Variants in UPRT observed in about 807,000 individuals in gnomAD.
UPRT encodes the protein uracil phosphoribosyltransferase homolog.
UPRT carries 5 observed loss-of-function variants against 22.6 expected under a neutral mutation model. The ratio of observed to expected loss-of-function variants is 0.22; its 90% CI spans 0.12 to 0.47. The LOEUF (loss-of-function observed/expected upper bound fraction) is 0.47. Ranked by LOEUF, UPRT falls within the 20% of genes least tolerant of loss-of-function variation. The pLI, the probability that UPRT is intolerant of heterozygous loss-of-function variation, is 0.99. For synonymous variants in UPRT, 77 were observed against 87.7 expected (o/e 0.88, Z 0.68); for missense variants, 181 against 239.9 (o/e 0.75, Z 1.62).
At chrX:75,211,854 T>C (rs2082381063) in intron 4 of UPRT, among the ~76,000 whole-genome samples, 1 of 111,362 alleles carries the variant, frequency 9.0e-6, no homozygotes, top group South Asian at 3.8e-4. Context: ...GCAATACCAG[T>C]ATATCGCAAA....
In UPRT at chrX:75,235,613, T is replaced by C. The variant is rs1002599706; in HGVS notation, c.-446-55411T>C. ...GCTTATCCACCATGATCAAGTGGGC[T>C]TCATCTCTGGGATGCAAGGCTGGTT... On this transcript the variant is annotated intron_variant, in intron 4 of 13. Transcript: ENST00000652605. Among the ~76,000 whole-genome samples the C allele has an allele frequency of 1.2e-4, 13 of 111,849 alleles. No homozygotes were observed. In the Admixed American group the frequency reaches 1.2e-3, roughly 11 times the overall value.
chrX:75,246,388 AATG>A (rs1268493904), intron 4 of UPRT, among the ~76,000 whole-genome samples: 1 of 108,405 alleles, frequency 9.2e-6, no homozygotes, highest in Non-Finnish European at 1.9e-5. Flanking sequence ...GTTTGCTGAG[AATG>A]ATGATTTCCA....
At chrX:75,203,150 G>A (rs776768182) in intron 4 of UPRT, among the ~76,000 whole-genome samples, 2 of 111,490 alleles carry the variant, frequency 1.8e-5, no homozygotes, top group Non-Finnish European at 3.8e-5. Context: ...TGCAATCCTA[G>A]TTTCTGACAA....
chrX:75,300,606 T>C (rs750353213), intron 5 of UPRT, among the ~76,000 whole-genome samples: 1 of 110,635 alleles, frequency 9.0e-6, no homozygotes, highest in South Asian at 3.9e-4. Flanking sequence ...GGGCAACATA[T>C]GGAGAACCCA....
chrX:75,201,471 G>C (rs1219535719), intron 4 of UPRT: 1 of 131,370 alleles, frequency 7.6e-6, no homozygotes, highest in East Asian at 2.4e-4. Context: ...GATGCTCAAG[G>C]AAAGTGGAAA....
At chrX:75,190,511 T>G (rs1022626115) in intron 4 of UPRT, among the ~76,000 whole-genome samples, 4 of 111,672 alleles carry the variant, frequency 3.6e-5, no homozygotes, top group African/African-American at 1.3e-4. Flanking sequence ...TTTCCTGAAT[T>G]TGAATATTGG....
At chrX:75,175,069 A>T (rs1458091194) in intron 4 of UPRT, among the ~76,000 whole-genome samples, 1 of 109,475 alleles carries the variant, frequency 9.1e-6, no homozygotes, top group African/African-American at 3.3e-5. Flanking sequence ...TCTGCCAGCC[A>T]CTTATGCTGC....
chrX:75,290,870 G>T (rs2147698679), intron 1 of UPRT, among the ~76,000 whole-genome samples: 1 of 110,600 alleles, frequency 9.0e-6, no homozygotes, highest in African/African-American at 3.3e-5. Flanking sequence ...TGGGTGATAG[G>T]ATCATTTGTA....
Position 75,293,511 on chromosome X carries a change from T to C in UPRT, c.426T>C (p.Arg142=). The C allele has an allele frequency of 8.3e-7, 1 of 1,199,977 alleles. No homozygotes were observed. The highest frequency in any genetic ancestry group is 2.3e-4 in the Middle Eastern group (1 of 4,307). Reference sequence around the variant, plus strand: ...GTGACTTCATGTTTTCTGCGGATCGTTTGGTAGGTGGGGGCTTTTCATTTT... The same window carrying C: ...GTGACTTCATGTTTTCTGCGGATCGCTTGGTAGGTGGGGGCTTTTCATTTT... ...SRGDFMFSAD[R]LIRLVVEEGL... is the part of the protein sequence containing the mutation. The change falls in exon 2 of 7, where the codon CGT becomes CGC. Residue 142 remains arginine (R), a synonymous_variant. Transcript: ENST00000373383.
Position 75,217,236 on chromosome X carries a change from C to G in UPRT, c.-447+49357C>G, listed in dbSNP as rs938056895. Among the ~76,000 whole-genome samples, 3 of 110,590 alleles carry G rather than the reference C, an allele frequency of 2.7e-5. No homozygotes were observed. In the Admixed American group the frequency reaches 2.9e-4, roughly 11 times the overall value. On this transcript the variant is annotated intron_variant, in intron 4 of 13. Transcript: ENST00000652605. ...GCATAAAAAGAGTGTTGTTACGTAG[C>G]GTGATGCCTCCAGTTTTGTTCTTTT...
At chrX:75,254,045 C>T (rs960701546) in intron 4 of UPRT, among the ~76,000 whole-genome samples, 1 of 111,454 alleles carries the variant, frequency 9.0e-6, no homozygotes, top group African/African-American at 3.3e-5. Flanking sequence ...ACAACTTGAA[C>T]TCATTGAGAA....
At chrX:75,240,496 C>T (rs1284705262) in intron 4 of UPRT, among the ~76,000 whole-genome samples, 1 of 111,463 alleles carries the variant, frequency 9.0e-6, no homozygotes. Flanking sequence ...GGATGGGGAG[C>T]ACACTGCTGA....
At chrX:75,172,427 C>T (rs1360586332) in intron 4 of UPRT, among the ~76,000 whole-genome samples, 1 of 111,632 alleles carries the variant, frequency 9.0e-6, no homozygotes, top group Non-Finnish European at 1.9e-5. Context: ...GGTCTGACTC[C>T]CATCATGCTC....
intron 3 of UPRT, among the ~76,000 whole-genome samples, chrX:75,163,576 C>T (rs1455605491): frequency 2.7e-5 from 3 of 111,699 alleles, no homozygotes; most frequent in African/African-American, 9.8e-5. Flanking sequence ...TGACAAAAAA[C>T]TGGGGTTGCA....
intron 4 of UPRT, among the ~76,000 whole-genome samples, chrX:75,224,412 CT>C (rs535228808): frequency 6.8e-4 from 71 of 104,306 alleles, no homozygotes; most frequent in Admixed American, 8.2e-4. Context: ...TTATTTCCTT[CT>C]TTTTTTTTTT....
intron 4 of UPRT, among the ~76,000 whole-genome samples, chrX:75,241,508 A>G (rs2082488451): frequency 8.9e-6 from 1 of 111,827 alleles, no homozygotes; most frequent in African/African-American, 3.2e-5. Context: ...TATGGAAAAC[A>G]GTATGGAGAT....
At chrX:75,232,626 C>A (rs183828561) in intron 4 of UPRT, among the ~76,000 whole-genome samples, 1 of 112,269 alleles carries the variant, frequency 8.9e-6, no homozygotes, top group Admixed American at 9.4e-5. Context: ...GGGTCCCTGA[C>A]CCCTGATCCC....
chrX:75,248,779 G>T (rs1427506947), intron 4 of UPRT, among the ~76,000 whole-genome samples: 1 of 111,693 alleles, frequency 9.0e-6, no homozygotes, highest in Non-Finnish European at 1.9e-5. Flanking sequence ...AAGTTGAAAT[G>T]AATGAAAAAA....
chrX:75,289,322 A>G (rs2082695885), intron 1 of UPRT, among the ~76,000 whole-genome samples: 1 of 112,060 alleles, frequency 8.9e-6, no homozygotes, highest in Admixed American at 9.5e-5. Context: ...CACAGTAGAA[A>G]AACATTTCAT....
Sources: allele counts gnomAD v4.1 joint callset (sites outside exome capture counted in the v4.1 genomes callset), GRCh38; gene constraint gnomAD v4.1.1; transcripts MANE v1.5; gene names NCBI Gene and HGNC (gene_info 2026-07-23, HGNC 2026-07-21).